ATP10B: variants seen among roughly 807,000 people sequenced by gnomAD.
ATP10B encodes the protein ATPase phospholipid transporting 10B (putative).
Under a neutral mutation model 141.2 loss-of-function variants are expected in ATP10B, and 122 were observed. The ratio of observed to expected loss-of-function variants is 0.86; its 90% confidence interval spans 0.75 to 1.00. The LOEUF is 1.00. ATP10B is among the 50% of genes least tolerant of loss of function. ATP10B has a pLI of 0.00. For missense variants in ATP10B, 1,876 were observed against 1,825.3 expected, an observed-to-expected ratio of 1.03 and a Z score of -0.51; for synonymous variants, 685 against 692.0, an observed-to-expected ratio of 0.99 and a Z score of 0.16.
intron 4 of ATP10B, 116 bp downstream of exon 4, chr5:160,688,644 A>G (rs571565852): frequency 2.1e-6 from 1 of 482,506 alleles, no homozygotes; most frequent in East Asian, 1.6e-4. Flanking sequence ...AACAAATTGG[A>G]TAGTACAGAA....
At chr5:160,833,043 T>G (rs1274362042) in intron 1 of ATP10B, among the ~76,000 whole-genome samples, 4 of 152,168 alleles carry the variant, frequency 2.6e-5, no homozygotes, top group Non-Finnish European at 5.9e-5. Flanking sequence ...GAGAGAGATT[T>G]TCTCTGAGGA....
chr5:160,654,358 G>C (rs1761327915), intron 7 of ATP10B, among the ~76,000 whole-genome samples: 1 of 152,172 alleles, frequency 6.6e-6, no homozygotes, highest in South Asian at 2.1e-4. Flanking sequence ...CTTAGATTAT[G>C]GAAGCAGCTC....
At chr5:160,689,524 A>C (rs574339976) in intron 3 of ATP10B, among the ~76,000 whole-genome samples, 1 of 152,260 alleles carries the variant, frequency 6.6e-6, no homozygotes, top group Non-Finnish European at 1.5e-5. Flanking sequence ...CAACTTCAGC[A>C]AAATCTCAGG....
chr5:160,913,817 C>T, the ATP10B span, among the ~76,000 whole-genome samples: 3 of 152,074 alleles, frequency 2.0e-5, no homozygotes, highest in African/African-American at 2.4e-5. Flanking sequence ...AATTATTTGC[C>T]GTGAAAATAC....
intron 1 of ATP10B, among the ~76,000 whole-genome samples, chr5:160,829,455 C>T (rs1049464708): frequency 6.6e-6 from 1 of 151,786 alleles, no homozygotes; most frequent in Non-Finnish European, 1.5e-5. Flanking sequence ...GTTTCATATG[C>T]GTTTTAGAAT....
chr5:160,655,290 T>G (rs1307168721), intron 7 of ATP10B, among the ~76,000 whole-genome samples: 1 of 146,410 alleles, frequency 6.8e-6, no homozygotes, highest in Non-Finnish European at 1.5e-5. Flanking sequence ...GCATTTAAAT[T>G]TTTTTTTTTT....
At chr5:160,858,561 G>T in the ATP10B span, among the ~76,000 whole-genome samples, 1 of 151,882 alleles carries the variant, frequency 6.6e-6, no homozygotes, top group Non-Finnish European at 1.5e-5. Flanking sequence ...TGAGGTTCCA[G>T]GCCCCAAACC....
At chr5:160,876,046 C>G in the ATP10B span, among the ~76,000 whole-genome samples, 1 of 62,442 alleles carries the variant, frequency 1.6e-5, no homozygotes, top group Admixed American at 1.5e-4. Context: ...TAATAGACAT[C>G]TCCAGAACTC....
At chr5:160,812,055 AGAGAGG>A (rs1238250934) in intron 1 of ATP10B, among the ~76,000 whole-genome samples, 53 of 124,180 alleles carry the variant, frequency 4.3e-4, no homozygotes, top group African/African-American at 1.4e-3. Flanking sequence ...AGAGAGAGAG[AGAGAGG>A]GAGAGGGAGA....
intron 13 of ATP10B, among the ~76,000 whole-genome samples, chr5:160,631,319 C>T (rs1453744866): frequency 6.6e-6 from 1 of 152,140 alleles, no homozygotes; most frequent in Non-Finnish European, 1.5e-5. Flanking sequence ...CCTGGTCTTG[C>T]CTTGACTTCT....
chr5:160,798,589 G>C (rs76746039), intron 1 of ATP10B, among the ~76,000 whole-genome samples: 6,518 of 152,112 alleles, frequency 0.043, 305 homozygotes, highest in East Asian at 0.24. Context: ...TAGACCCTTC[G>C]AAGAGAGAAT....
At chr5:160,909,464 C>G in the ATP10B span, among the ~76,000 whole-genome samples, 2 of 152,114 alleles carry the variant, frequency 1.3e-5, no homozygotes, top group East Asian at 1.9e-4. Context: ...CACACATGAG[C>G]AGAGGAACAC....
intron 1 of ATP10B, among the ~76,000 whole-genome samples, chr5:160,807,719 A>G (rs1415658229): frequency 1.3e-5 from 2 of 152,234 alleles, no homozygotes; most frequent in African/African-American, 4.8e-5. Context: ...CTATTTGATC[A>G]TACAATATAT....
chr5:160,674,229 A>G (rs1042698847), intron 6 of ATP10B, among the ~76,000 whole-genome samples: 3 of 152,206 alleles, frequency 2.0e-5, no homozygotes, highest in African/African-American at 7.2e-5. Flanking sequence ...GAGGCATATC[A>G]AAGGCAAGGC....
At chr5:160,847,781 G>A (rs958437910) in intron 1 of ATP10B, among the ~76,000 whole-genome samples, 16 of 152,064 alleles carry the variant, frequency 1.1e-4, no homozygotes, top group African/African-American at 3.9e-4. Context: ...TTATTAAGTA[G>A]GAACAAGTCT....
At chr5:160,831,693 G>C (rs1255818023) in intron 1 of ATP10B, among the ~76,000 whole-genome samples, 2 of 152,020 alleles carry the variant, frequency 1.3e-5, no homozygotes, top group Non-Finnish European at 2.9e-5. Context: ...AAGAAGAAAA[G>C]ACAATTCATT....
At chr5:160,871,771 G>A in the ATP10B span, among the ~76,000 whole-genome samples, 1 of 152,126 alleles carries the variant, frequency 6.6e-6, no homozygotes, top group Non-Finnish European at 1.5e-5. Context: ...CTCATTGATT[G>A]ATGGACATTT....
intron 6 of ATP10B, among the ~76,000 whole-genome samples, chr5:160,673,307 G>A (rs541101633): frequency 6.6e-6 from 1 of 152,190 alleles, no homozygotes; most frequent in Non-Finnish European, 1.5e-5. Flanking sequence ...TGCATAGTAG[G>A]TATATATATT....
the ATP10B span, among the ~76,000 whole-genome samples, chr5:160,895,868 C>A: frequency 6.6e-6 from 1 of 152,180 alleles, no homozygotes; most frequent in Middle Eastern, 3.2e-3. Flanking sequence ...ACAGTGGAAT[C>A]AAATTAGAAC....
Sources: allele counts gnomAD v4.1 joint callset (sites outside exome capture counted in the v4.1 genomes callset), GRCh38; gene constraint gnomAD v4.1.1; transcripts MANE v1.5; gene names NCBI Gene and HGNC (gene_info 2026-07-23, HGNC 2026-07-21).